The following LAMA1 variants were observed in gnomAD, a reference collection of about 807,000 sequenced individuals.
LAMA1 encodes laminin subunit alpha 1.
Under a neutral mutation model 348.7 loss-of-function variants are expected in LAMA1, and 219 were observed. That is an observed-to-expected ratio of 0.63 (90% confidence interval 0.56 to 0.70). The LOEUF (loss-of-function observed/expected upper bound fraction) is 0.70. LAMA1 is among the 30% of genes least tolerant of loss of function. The pLI, the probability that LAMA1 is intolerant of heterozygous loss-of-function variation, is 0.00. For synonymous variants in LAMA1, 1,487 were observed against 1,491.0 expected (o/e 1.00, Z 0.06); for missense variants, 3,744 against 3,888.0 (o/e 0.96, Z 0.99).
chr18:6,993,591 T>G (rs1395422377), intron 35 of LAMA1, 50 bp downstream of exon 35: 3 of 1,286,496 alleles, frequency 2.3e-6, no homozygotes, highest in Non-Finnish European at 3.4e-6. Context: ...CAATGGTGAC[T>G]TCTTACTAGA....
intron 9 of LAMA1, 24 bp downstream of exon 9, chr18:7,042,121 C>T (rs1460921392): frequency 6.7e-7 from 1 of 1,499,610 alleles, no homozygotes; most frequent in South Asian, 1.2e-5. Flanking sequence ...CAATTACAAG[C>T]ACAAAAGTGA....
At chr18:7,007,913 T>TTTATTTA (rs1568028350) in intron 28 of LAMA1, among the ~76,000 whole-genome samples, 4,406 of 136,816 alleles carry the variant, frequency 0.032, 125 homozygotes, top group Middle Eastern at 0.084. Context: ...ATTACTCCAC[T>TTTATTTA]TTTATTTATT....
intron 48 of LAMA1, among the ~76,000 whole-genome samples, chr18:6,966,502 A>C (rs901895224): frequency 2.0e-5 from 3 of 152,226 alleles, no homozygotes; most frequent in Non-Finnish European, 2.9e-5. Context: ...AAGGAAAATA[A>C]TGTTAATGTA....
chr18:6,994,988 G>A (rs185810950), intron 34 of LAMA1, among the ~76,000 whole-genome samples: 156 of 152,242 alleles, frequency 1.0e-3, no homozygotes, highest in Non-Finnish European at 1.9e-3. Context: ...TGTTCAGTCC[G>A]TGCTTTTGGG....
chr18:6,970,892 C>T (rs1600359273), intron 48 of LAMA1, among the ~76,000 whole-genome samples: 1 of 152,118 alleles, frequency 6.6e-6, no homozygotes, highest in African/African-American at 2.4e-5. Flanking sequence ...GGATTACAGG[C>T]GTGAGCCACC....
In LAMA1 at chr18:6,986,179, G is replaced by A. The variant is rs1363022737; in HGVS notation, c.5337C>T (p.Asn1779=). 5.0e-6 allele frequency: 8 copies of A among 1,614,096 alleles called. No individual in the cohort carries two copies. In the Admixed American group the frequency reaches 1.2e-4, roughly 24 times the overall value. ...TAGCATTGACCATGAGCAGCAGGTGGTTGCTTTCCTGCATCTTTGCCTCAG... is the reference window on the plus strand; with the variant it reads ...TAGCATTGACCATGAGCAGCAGGTGATTGCTTTCCTGCATCTTTGCCTCAG... ...REAEAKMQES[N]HLLLMVNANL... is the part of the protein sequence containing the mutation. The change falls in exon 37 of 63, where the codon AAC becomes AAT. Residue 1779 remains asparagine, a synonymous_variant. Transcript: ENST00000389658.
intron 19 of LAMA1, among the ~76,000 whole-genome samples, chr18:7,018,147 C>G (rs549999222): frequency 1.9e-4 from 29 of 151,860 alleles, no homozygotes; most frequent in Non-Finnish European, 3.4e-4. Flanking sequence ...ACCAGCCTGG[C>G]CAACGTGGTG....
intron 3 of LAMA1, among the ~76,000 whole-genome samples, chr18:7,057,122 T>C (rs9957763): frequency 0.5 from 75,398 of 151,974 alleles, 21,432 homozygotes; most frequent in African/African-American, 0.8. Context: ...TCCATGCCTC[T>C]CAAACTGCTG....
rs143065211 is a variant in LAMA1 at position 7,086,543 on chromosome 18, T to C, written c.62-6086A>G. On this transcript the variant is annotated intron_variant, in intron 1 of 62. Transcript: ENST00000389658. Reference sequence around the variant, plus strand: ...AGCTCAGCATGCCCCACTGCACTTATCATTCATACAGAGATCATGAATTTA... The same window carrying C: ...AGCTCAGCATGCCCCACTGCACTTACCATTCATACAGAGATCATGAATTTA... Among the ~76,000 whole-genome samples, 753 of 151,884 alleles carry C rather than the reference T, an allele frequency of 5.0e-3. 16 individuals carry two copies. The highest frequency in any genetic ancestry group is 0.017 in the African/African-American group (723 of 41,486).
intron 41 of LAMA1, among the ~76,000 whole-genome samples, chr18:6,982,209 C>T (rs2057714906): frequency 6.6e-6 from 1 of 152,140 alleles, no homozygotes; most frequent in African/African-American, 2.4e-5. Flanking sequence ...ACAGTGAAGG[C>T]TCCAAGCTAA....
chr18:7,048,705 T>C (rs1010763989), intron 5 of LAMA1, among the ~76,000 whole-genome samples: 7 of 152,256 alleles, frequency 4.6e-5, no homozygotes, highest in Admixed American at 3.9e-4. Context: ...ACTTAAAATC[T>C]GTATGCTTTC....
At chr18:6,947,352 G>A (rs1488475909) in intron 60 of LAMA1, 56 bp from the exon 61 acceptor site, 1 of 1,610,556 alleles carries the variant, frequency 6.2e-7, no homozygotes, top group Non-Finnish European at 8.5e-7. Context: ...CCCAGGTTGA[G>A]CATTTGGCCT....
intron 40 of LAMA1, 88 bp from the exon 41 acceptor site, chr18:6,982,678 C>T (rs1334735180): frequency 9.4e-7 from 1 of 1,066,924 alleles, no homozygotes; most frequent in African/African-American, 1.6e-5. Flanking sequence ...TCAGAGTAGC[C>T]CCCAGACACA....
rs545572067 is a variant in LAMA1, at chr18:7,017,195, T to C, written c.2808+83A>G. The C allele has an allele frequency of 7.6e-5, 80 of 1,046,462 alleles. No homozygotes were observed. In the East Asian group the frequency reaches 1.6e-3, roughly 21 times the overall value. The allele number at this position is 1,046,462 out of a possible 1,614,324, so 64.8% of individuals were successfully genotyped here. ...GCAGTGTGAGAACAAACTAATACAC[T>C]TGGGGACTTAGCTCCTTCTGAGTCA... On this transcript the variant is annotated intron_variant, in intron 20 of 62. Coordinates refer to ENST00000389658, the MANE Select transcript of LAMA1 (RefSeq NM_005559.4).
chr18:7,035,896 C>T, intron 13 of LAMA1, 91 bp downstream of exon 13: 2 of 1,076,040 alleles, frequency 1.9e-6, no homozygotes, highest in South Asian at 1.3e-5. Context: ...CAGCTCCTTG[C>T]TGGGATGTCC....
At chr18:7,083,857 G>A (rs931388824) in intron 1 of LAMA1, among the ~76,000 whole-genome samples, 1 of 151,986 alleles carries the variant, frequency 6.6e-6, no homozygotes, top group Non-Finnish European at 1.5e-5. Flanking sequence ...GATCACTTGA[G>A]GTCAGGAGTT....
At chr18:7,093,774 C>CTTT (rs34130725) in intron 1 of LAMA1, among the ~76,000 whole-genome samples, 2 of 124,600 alleles carry the variant, frequency 1.6e-5, no homozygotes, top group Admixed American at 8.3e-5. Flanking sequence ...GGTTTCTCAA[C>CTTT]TTTTTTTTTT....
chr18:7,076,793 G>A (rs1411914842), intron 3 of LAMA1: 1 of 152,112 alleles, frequency 6.6e-6, no homozygotes, highest in Non-Finnish European at 1.5e-5. Flanking sequence ...TATCTAATCA[G>A]AACAAACGTC....
rs73938540 is a variant in LAMA1, at chr18:7,010,809, C to G, written c.3688-424G>C. Among the ~76,000 whole-genome samples the G allele has an allele frequency of 5.3e-3, 800 of 152,148 alleles. 8 individuals are homozygous for G. The highest frequency in any genetic ancestry group is 0.018 in the African/African-American group (761 of 41,488). On this transcript the variant is annotated intron_variant, in intron 25 of 62. Transcript: ENST00000389658. ...ATGATCTTTTATAGTAGTTTTTTCCCCCCAAATGAGTGATAATTTCTTGAA... is the reference window on the plus strand; with the variant it reads ...ATGATCTTTTATAGTAGTTTTTTCCGCCCAAATGAGTGATAATTTCTTGAA...
Sources: allele counts gnomAD v4.1 joint callset (sites outside exome capture counted in the v4.1 genomes callset), GRCh38; gene constraint gnomAD v4.1.1; transcripts MANE v1.5; gene names NCBI Gene and HGNC (gene_info 2026-07-23, HGNC 2026-07-21).